Variants in ATP11C observed in about 807,000 individuals in gnomAD.
ATP11C encodes the protein ATPase phospholipid transporting 11C (ATP11C blood group), also known as phospholipid-transporting ATPase IG.
ATP11C carries 36 observed loss-of-function variants against 97.4 expected under a neutral mutation model. That is an observed-to-expected ratio of 0.37 (90% CI 0.28 to 0.49). The LOEUF (loss-of-function observed/expected upper bound fraction) is 0.49, where lower values mean the gene tolerates loss of function less well. Ranked by LOEUF, ATP11C falls within the 20% of genes least tolerant of loss-of-function variation. The pLI is 0.98. For synonymous variants in ATP11C, 275 were observed against 290.9 expected (o/e 0.95, Z 0.56); for missense variants, 730 against 824.6 (o/e 0.89, Z 1.40).
intron 29 of ATP11C, among the ~76,000 whole-genome samples, chrX:139,730,775 A>C (rs1351306230): frequency 9.1e-6 from 1 of 110,432 alleles, no homozygotes; most frequent in Non-Finnish European, 1.9e-5. Flanking sequence ...CTTGTTCATT[A>C]ATTACTCTAA....
chrX:139,803,065 C>T (rs1221251620), intron 6 of ATP11C, among the ~76,000 whole-genome samples: 1 of 111,706 alleles, frequency 9.0e-6, no homozygotes, highest in Non-Finnish European at 1.9e-5. Context: ...TTGTCGTCAT[C>T]TTGGGGGAAA....
chrX:139,889,566 T>C (rs767636342), intron 1 of ATP11C, among the ~76,000 whole-genome samples: 4 of 112,233 alleles, frequency 3.6e-5, no homozygotes, highest in Non-Finnish European at 7.5e-5. Context: ...TTTTACTGTA[T>C]GTAAATTATA....
At chrX:139,848,148 T>C (rs1366336201) in intron 1 of ATP11C, among the ~76,000 whole-genome samples, 1 of 111,773 alleles carries the variant, frequency 8.9e-6, no homozygotes, top group Non-Finnish European at 1.9e-5. Context: ...TCCGTTGTCA[T>C]CACTATCAAA....
chrX:139,784,008 T>C (rs1181834947), intron 16 of ATP11C, among the ~76,000 whole-genome samples: 1 of 112,631 alleles, frequency 8.9e-6, no homozygotes. Flanking sequence ...AATGGCTTGA[T>C]AGTTTTTACT....
chrX:139,810,215 C>T (rs1333651608), intron 5 of ATP11C, among the ~76,000 whole-genome samples: 1 of 111,581 alleles, frequency 9.0e-6, no homozygotes, highest in Non-Finnish European at 1.9e-5. Flanking sequence ...AATCCCAGCA[C>T]TTTGGGAGGC....
intron 1 of ATP11C, among the ~76,000 whole-genome samples, chrX:139,894,092 T>G (rs752865614): frequency 8.9e-6 from 1 of 111,885 alleles, no homozygotes; most frequent in African/African-American, 3.2e-5. Context: ...TTATGAGATT[T>G]TGCTGCTGGG....
At chrX:139,852,463 GGGGGGGGGGGGGGGGGGGA>G (rs1331063302) in intron 1 of ATP11C, among the ~76,000 whole-genome samples, 13 of 10,475 alleles carry the variant, frequency 1.2e-3, no homozygotes, top group Non-Finnish European at 2.3e-3. Flanking sequence ...GGGGGGGGGG[GGGGGGGGGGGGGGGGGGGA>G]ACTGGCCAGC....
intron 1 of ATP11C, among the ~76,000 whole-genome samples, chrX:139,888,287 C>A (rs762169468): frequency 9.1e-6 from 1 of 109,364 alleles, no homozygotes; most frequent in Non-Finnish European, 1.9e-5. Flanking sequence ...GCGCCCGCCA[C>A]AACGCCCAGC....
At chrX:139,769,557 T>C (rs775533031) in intron 19 of ATP11C, among the ~76,000 whole-genome samples, 42 of 107,959 alleles carry the variant, frequency 3.9e-4, no homozygotes, top group Middle Eastern at 4.6e-3. Context: ...AAGACAAATG[T>C]GTAACAGGTG....
chrX:139,858,384 T>G (rs780929135), intron 1 of ATP11C, among the ~76,000 whole-genome samples: 69 of 111,963 alleles, frequency 6.2e-4, no homozygotes, highest in African/African-American at 2.0e-3. Context: ...ATGCTTGTCC[T>G]GCTCCCATAT....
At chrX:139,896,966 G>A (rs753603678) in intron 1 of ATP11C, among the ~76,000 whole-genome samples, 4 of 110,909 alleles carry the variant, frequency 3.6e-5, no homozygotes, top group African/African-American at 9.8e-5. Context: ...GGTGGCTCAC[G>A]CCTGAAATCC....
rs1220816522 is a variant in ATP11C at position 139,816,933 on chromosome X, T to C, written c.248A>G (p.Asp83Gly). 1 of 1,186,342 alleles carries C rather than the reference T, an allele frequency of 8.4e-7. No individual in the cohort carries two copies. Among genetic ancestry groups the C allele is most frequent in the Non-Finnish European group, 1.1e-6 (1 of 877,063 alleles). ...LIIFLVQVTVDTPTSPVTSGL... is the reference protein window; with the variant it reads ...LIIFLVQVTVGTPTSPVTSGL... ...ACTGGTAACTGGGCTAGTTGGTGTG[T>C]CTACTGTGACCTAGGTAAATAAAAT... is the stretch of plus-strand genomic sequence containing the variant. The change falls in exon 4 of 30, where the codon GAC (aspartate) becomes GGC (glycine). Residue 83 changes from aspartate (D) to glycine (G), a missense_variant. By Grantham distance (94) the Asp-to-Gly change is moderately conservative. Transcript: ENST00000682941.
intron 1 of ATP11C, among the ~76,000 whole-genome samples, chrX:139,915,798 G>T (rs1290821708): frequency 3.6e-5 from 4 of 112,239 alleles, no homozygotes; most frequent in African/African-American, 9.7e-5. Context: ...AAATATAATA[G>T]CAAATTGCTG....
intron 1 of ATP11C, among the ~76,000 whole-genome samples, chrX:139,913,797 T>C (rs1028124567): frequency 8.9e-6 from 1 of 112,044 alleles, no homozygotes; most frequent in Non-Finnish European, 1.9e-5. Context: ...AACAGCCTTG[T>C]TGCTCACACG....
At chrX:139,818,293 T>C (rs866834058) in intron 3 of ATP11C, among the ~76,000 whole-genome samples, 4 of 112,146 alleles carry the variant, frequency 3.6e-5, no homozygotes, top group African/African-American at 1.3e-4. Flanking sequence ...TTCTCAGCTA[T>C]AGCATAAATT....
intron 1 of ATP11C, among the ~76,000 whole-genome samples, chrX:139,913,222 C>T (rs1297552324): frequency 1.8e-5 from 2 of 111,817 alleles, no homozygotes; most frequent in Non-Finnish European, 3.8e-5. Context: ...CTGGCAAAGG[C>T]AGTGTTGATT....
intron 1 of ATP11C, among the ~76,000 whole-genome samples, chrX:139,907,823 T>C (rs1265092669): frequency 5.4e-5 from 6 of 110,267 alleles, no homozygotes; most frequent in Non-Finnish European, 1.1e-4. Flanking sequence ...ACCAAACGTC[T>C]ATAATTTTTT....
At chrX:139,893,755 A>AT (rs1404268878) in intron 1 of ATP11C, among the ~76,000 whole-genome samples, 30 of 111,053 alleles carry the variant, frequency 2.7e-4, no homozygotes, top group Non-Finnish European at 5.7e-4. Flanking sequence ...AAAAAAAAAA[A>AT]ATTGCACAAC....
intron 4 of ATP11C, among the ~76,000 whole-genome samples, chrX:139,816,585 G>C (rs1468768787): frequency 1.8e-5 from 2 of 111,944 alleles, no homozygotes; most frequent in Non-Finnish European, 3.8e-5. Context: ...CAATTAATAT[G>C]CATTAAAAAA....
Sources: allele counts gnomAD v4.1 joint callset (sites outside exome capture counted in the v4.1 genomes callset), GRCh38; gene constraint gnomAD v4.1.1; transcripts MANE v1.5; gene names NCBI Gene and HGNC (gene_info 2026-07-23, HGNC 2026-07-21).